Variants in RBMS3 observed in about 807,000 individuals in gnomAD.
RBMS3 encodes the protein RNA-binding motif, single-stranded-interacting protein 3.
RBMS3 carries 27 observed loss-of-function variants against 66.8 expected under a neutral mutation model. The observed-to-expected ratio is 0.40, with a 90% CI of 0.30 to 0.56. The LOEUF is 0.56. Among genes scored for constraint, RBMS3 ranks in the 20% least tolerant of loss-of-function variants. The pLI, the probability that RBMS3 is intolerant of heterozygous loss-of-function variation, is 0.40. For missense variants in RBMS3, 513 were observed against 549.5 expected (o/e 0.93, Z 0.66); for synonymous variants, 188 against 183.0 (o/e 1.03, Z -0.22).
chr3:29,516,033 G>A (rs2044606407), intron 3 of RBMS3, among the ~76,000 whole-genome samples: 1 of 152,106 alleles, frequency 6.6e-6, no homozygotes, highest in African/African-American at 2.4e-5. Context: ...CATGGACCAG[G>A]GACTTTAAGG....
At chr3:29,686,760 G>A (rs187215255) in intron 4 of RBMS3, among the ~76,000 whole-genome samples, 15 of 152,198 alleles carry the variant, frequency 9.9e-5, no homozygotes, top group East Asian at 1.9e-4. Context: ...ATTTTCATAC[G>A]TCTTTCCTTA....
At chr3:29,656,824 A>G (rs1350885031) in intron 4 of RBMS3, among the ~76,000 whole-genome samples, 1 of 152,186 alleles carries the variant, frequency 6.6e-6, no homozygotes, top group Non-Finnish European at 1.5e-5. Flanking sequence ...GTTAGGGTAG[A>G]CTAACTACTG....
At chr3:29,697,396 G>C (rs186643867) in intron 4 of RBMS3, among the ~76,000 whole-genome samples, 1 of 152,118 alleles carries the variant, frequency 6.6e-6, no homozygotes. Flanking sequence ...TCTCTGAAAC[G>C]TTGGGGGAAC....
chr3:29,727,523 AC>A (rs1282753180), intron 4 of RBMS3, among the ~76,000 whole-genome samples: 5 of 152,210 alleles, frequency 3.3e-5, no homozygotes, highest in African/African-American at 1.2e-4. Context: ...CAAGAAAAAA[AC>A]AACCCTATCA....
In RBMS3 at chr3:29,749,170, C is replaced by T. The variant is rs144871857; in HGVS notation, c.557+9293C>T. 3.9e-5 allele frequency among the ~76,000 whole-genome samples: 6 copies of T among 152,230 alleles called. No individual in the cohort carries two copies. In the East Asian group the frequency reaches 5.8e-4, roughly 15 times the overall value. On this transcript the variant is annotated intron_variant, in intron 5 of 14. Coordinates refer to ENST00000383767, the MANE Select transcript of RBMS3 (RefSeq NM_001003793.3). ...GTTCCACTGGTGAGTACACTGAAAA[C>T]ATCCTGAAGAAAATTAAACCCTTGT...
chr3:29,405,949 A>T (rs1242938808), intron 1 of RBMS3, among the ~76,000 whole-genome samples: 1 of 152,192 alleles, frequency 6.6e-6, no homozygotes, highest in Non-Finnish European at 1.5e-5. Context: ...CAAAAATTCC[A>T]ACTGAACCCA....
At chr3:29,494,773 T>G (rs953758559) in intron 3 of RBMS3, among the ~76,000 whole-genome samples, 1 of 152,186 alleles carries the variant, frequency 6.6e-6, no homozygotes, top group Non-Finnish European at 1.5e-5. Context: ...GAAGGTTGGT[T>G]TCCCTTTTCT....
chr3:29,474,092 C>T (rs1193973062), intron 2 of RBMS3, among the ~76,000 whole-genome samples: 2 of 152,270 alleles, frequency 1.3e-5, no homozygotes, highest in South Asian at 2.1e-4. Flanking sequence ...TGAACTACCG[C>T]GCCCAGCGCC....
chr3:29,540,820 C>T (rs2045728045), intron 3 of RBMS3, among the ~76,000 whole-genome samples: 1 of 152,162 alleles, frequency 6.6e-6, no homozygotes, highest in Admixed American at 6.5e-5. Flanking sequence ...AAACTGCTAG[C>T]TATACCCATA....
intron 6 of RBMS3, among the ~76,000 whole-genome samples, chr3:29,806,831 A>G (rs540917687): frequency 6.6e-6 from 1 of 152,036 alleles, no homozygotes; most frequent in East Asian, 1.9e-4. Flanking sequence ...AATGTTGATC[A>G]AGGAGCTATG....
chr3:29,921,515 G>T (rs2060780105), intron 10 of RBMS3, among the ~76,000 whole-genome samples: 1 of 135,748 alleles, frequency 7.4e-6, no homozygotes, highest in Non-Finnish European at 1.6e-5. Flanking sequence ...GGGGGCTGGG[G>T]GTGCAGCAAA....
At chr3:29,304,607 T>C (rs533193436) in intron 1 of RBMS3, among the ~76,000 whole-genome samples, 6 of 152,096 alleles carry the variant, frequency 3.9e-5, no homozygotes, top group African/African-American at 1.4e-4. Context: ...AATGTTGTAA[T>C]CTGGTCACAA....
At chr3:29,497,030 T>C (rs1052314147) in intron 3 of RBMS3, among the ~76,000 whole-genome samples, 2 of 147,406 alleles carry the variant, frequency 1.4e-5, no homozygotes, top group African/African-American at 2.5e-5. Flanking sequence ...TTTTTTTTTT[T>C]CTTGTTTTTT....
At chr3:29,539,717 C>A (rs1194417311) in intron 3 of RBMS3, among the ~76,000 whole-genome samples, 1 of 152,160 alleles carries the variant, frequency 6.6e-6, no homozygotes, top group African/African-American at 2.4e-5. Context: ...AAATGTTATT[C>A]TATTTTTCCC....
intron 12 of RBMS3, among the ~76,000 whole-genome samples, chr3:29,952,716 C>G: frequency 6.6e-6 from 1 of 151,694 alleles, no homozygotes. Flanking sequence ...ATTGTTTATT[C>G]TTCCTTCCTT....
chr3:29,794,542 C>T lies in RBMS3; in HGVS notation c.637+31553C>T, dbSNP rs543235619. Among the ~76,000 whole-genome samples the T allele has an allele frequency of 9.5e-4, 145 of 152,178 alleles. 1 individual carries two copies. The highest frequency in any genetic ancestry group is 6.8e-3 in the East Asian group (35 of 5,166). On this transcript the variant is annotated intron_variant, in intron 6 of 14. Transcript: ENST00000383767. ...CTGAGCTTACAGTGAGCTGAGATTG[C>T]GCCACTGCACTCCAGCATGGGCGAC...
Position 29,739,734 on chromosome 3 carries a change from C to G in RBMS3, c.414C>G (p.Asp138Glu). 1 of 1,603,374 alleles carries G rather than the reference C, an allele frequency of 6.2e-7. No individual in the cohort carries two copies. The highest frequency in any genetic ancestry group is 8.5e-7 in the Non-Finnish European group (1 of 1,176,266). Residue 138 changes from aspartate (D) to glutamate (E), a missense_variant, in exon 5 of 15, where the codon GAC (aspartate) becomes GAG (glutamate). Physicochemically the swap from Asp to Glu is conservative, Grantham distance 45. Coordinates refer to ENST00000383767, the MANE Select transcript of RBMS3 (RefSeq NM_001003793.3). ...QAQMAKQQEQ[D>E]PTNLYISNLP... ...CCTTCCCTTAGCAACAAGAGCAAGA[C>G]CCAACAAACCTATACATCTCAAATC...
intron 1 of RBMS3, among the ~76,000 whole-genome samples, chr3:29,415,297 G>A (rs942269061): frequency 6.6e-6 from 1 of 152,118 alleles, no homozygotes; most frequent in Non-Finnish European, 1.5e-5. Flanking sequence ...GGAAGCAATC[G>A]TTTTTCTTTT....
Position 29,879,535 on chromosome 3 carries a change from A to G in RBMS3, c.745-4627A>G, listed in dbSNP as rs151266810. Among the ~76,000 whole-genome samples the G allele has an allele frequency of 1.8e-3, 276 of 152,296 alleles. 1 individual carries two copies. Among genetic ancestry groups the G allele is most frequent in the African/African-American group, 6.5e-3 (269 of 41,576 alleles). On this transcript the variant is annotated intron_variant, in intron 7 of 14. Transcript: ENST00000383767. ...GCTAATTCAGTATACAATATTTAAT[A>G]AAATATTCAACATTTTCTATACATT...
Sources: allele counts gnomAD v4.1 joint callset (sites outside exome capture counted in the v4.1 genomes callset), GRCh38; gene constraint gnomAD v4.1.1; transcripts MANE v1.5; gene names NCBI Gene and HGNC (gene_info 2026-07-23, HGNC 2026-07-21).